COBLL1: variants seen among roughly 807,000 people sequenced by gnomAD.
COBLL1 encodes the protein cordon-bleu WH2 repeat protein like 1.
A neutral mutation model predicts 94.8 loss-of-function variants in COBLL1; 50 were observed. The observed-to-expected ratio is 0.53, with a 90% CI of 0.42 to 0.67. COBLL1 has a LOEUF of 0.67. COBLL1 is among the 30% of genes least tolerant of loss of function. COBLL1 has a pLI of 0.00. For synonymous variants in COBLL1, 448 were observed against 473.8 expected (o/e 0.95, Z 0.71); for missense variants, 1,362 against 1,348.7 (o/e 1.01, Z -0.15).
In COBLL1 at chr2:164,823,804, T is replaced by G. The variant is rs531311401; in HGVS notation, c.41+17352A>C. 9.9e-5 allele frequency among the ~76,000 whole-genome samples: 15 copies of G among 152,184 alleles called. 1 individual carries two copies. In the South Asian group the frequency reaches 2.9e-3, roughly 30 times the overall value. On this transcript the variant is annotated intron_variant, in intron 2 of 13. Transcript: ENST00000652658. The stretch of plus-strand genomic sequence containing the variant: ...TCTAGCTGTGTAACAATCCCTGGGG[T>G]TGGTATCCTCACTGCTGCAGGATCT...
chr2:164,780,361 A>C (rs1014007070), intron 2 of COBLL1, among the ~76,000 whole-genome samples: 5 of 152,198 alleles, frequency 3.3e-5, no homozygotes, highest in African/African-American at 7.2e-5. Flanking sequence ...TCTGGGAATG[A>C]AAGGAATTCC....
intron 2 of COBLL1, among the ~76,000 whole-genome samples, chr2:164,767,921 T>C (rs192906308): frequency 2.5e-4 from 38 of 152,282 alleles, no homozygotes; most frequent in African/African-American, 6.7e-4. Context: ...TGAAGAAATA[T>C]AACTGGCATG....
At chr2:164,754,111 G>T (rs1477777794) in intron 2 of COBLL1, among the ~76,000 whole-genome samples, 1 of 152,052 alleles carries the variant, frequency 6.6e-6, no homozygotes, top group Non-Finnish European at 1.5e-5. Context: ...TAACATCTGA[G>T]TTGAGAAGTG....
intron 2 of COBLL1, among the ~76,000 whole-genome samples, chr2:164,793,180 AATTT>A (rs1683277365): frequency 6.6e-6 from 1 of 152,148 alleles, no homozygotes; most frequent in Non-Finnish European, 1.5e-5. Flanking sequence ...TGAAACACCC[AATTT>A]ATTCCTTGTG....
At chr2:164,797,223 T>C (rs1342370523) in intron 2 of COBLL1, among the ~76,000 whole-genome samples, 1 of 152,224 alleles carries the variant, frequency 6.6e-6, no homozygotes, top group Non-Finnish European at 1.5e-5. Context: ...TAGGCAATGT[T>C]GGGCTTCCCT....
At chr2:164,727,279 T>C in intron 5 of COBLL1, 1 of 450,402 alleles carries the variant, frequency 2.2e-6, no homozygotes, top group Non-Finnish European at 4.0e-6. Context: ...TTTTGAAGTC[T>C]CTATGCAAAG....
At chr2:164,818,568 TA>T (rs1684975570) in intron 2 of COBLL1, among the ~76,000 whole-genome samples, 1 of 147,958 alleles carries the variant, frequency 6.8e-6, no homozygotes. Context: ...TACACATATA[TA>T]GCATATATGT....
At chr2:164,716,033 T>C (rs1685152559) in intron 7 of COBLL1, among the ~76,000 whole-genome samples, 1 of 152,206 alleles carries the variant, frequency 6.6e-6, no homozygotes, top group Admixed American at 6.5e-5. Context: ...TTCTTCCACT[T>C]ATTCAAATGT....
chr2:164,767,506 G>A (rs1207415251), intron 2 of COBLL1, among the ~76,000 whole-genome samples: 1 of 149,864 alleles, frequency 6.7e-6, no homozygotes, highest in African/African-American at 2.5e-5. Flanking sequence ...ACTGCTCTTT[G>A]ATGTAGAGTG....
chr2:164,739,488 G>A (rs192315835), intron 3 of COBLL1, among the ~76,000 whole-genome samples: 1 of 152,298 alleles, frequency 6.6e-6, no homozygotes, highest in East Asian at 1.9e-4. Flanking sequence ...AGGCATATAA[G>A]TTTCTGAAAT....
Position 164,695,425 on chromosome 2 carries a change from T to G in COBLL1, c.1967A>C (p.Glu656Ala). ...SSQDSVNTSR[E>A]FRSQGTLIIH... ...AATTAGGGTGCCTTGACTCCTGAAT[T>G]CCCTTGAGGTATTTACAGAATCTTG... The change falls in exon 12 of 14, where the codon GAA (glutamate) becomes GCA (alanine). Residue 656 changes from glutamate to alanine, a missense_variant. Coordinates refer to ENST00000652658, the MANE Select transcript of COBLL1 (RefSeq NM_001365672.2). The G allele has an allele frequency of 6.2e-7, 1 of 1,613,884 alleles. No individual in the cohort carries two copies. Among genetic ancestry groups the G allele is most frequent in the Non-Finnish European group, 8.5e-7 (1 of 1,179,910 alleles).
chr2:164,738,965 T>C (rs572698327), intron 3 of COBLL1, among the ~76,000 whole-genome samples: 1 of 152,100 alleles, frequency 6.6e-6, no homozygotes, highest in Admixed American at 6.6e-5. Context: ...CACACATACA[T>C]CTATACTACA....
At chr2:164,801,048 C>A (rs1683751053) in intron 2 of COBLL1, among the ~76,000 whole-genome samples, 1 of 152,038 alleles carries the variant, frequency 6.6e-6, no homozygotes, top group South Asian at 2.1e-4. Context: ...ATCTGGAATC[C>A]CAACTCTGGG....
At chr2:164,678,326 GATA>G (rs1310487385), downstream of COBLL1, among the ~76,000 whole-genome samples, 1 of 152,078 alleles carries the variant, frequency 6.6e-6, no homozygotes, top group Non-Finnish European at 1.5e-5. Context: ...AAATGATGGA[GATA>G]ATATGTCAGA....
downstream of COBLL1, among the ~76,000 whole-genome samples, chr2:164,677,138 G>A (rs891050855): frequency 6.6e-6 from 1 of 152,028 alleles, no homozygotes; most frequent in Non-Finnish European, 1.5e-5. Flanking sequence ...TTATAAGAAG[G>A]TTATAATTTT....
chr2:164,668,858 T>A (rs1691205222), intron 1 of COBLL1, among the ~76,000 whole-genome samples: 1 of 152,246 alleles, frequency 6.6e-6, no homozygotes, highest in South Asian at 2.1e-4. Context: ...ATTTGAGTTC[T>A]GCCTGAATTT....
At chr2:164,720,878 A>G (rs1045857995) in intron 7 of COBLL1, among the ~76,000 whole-genome samples, 1 of 152,208 alleles carries the variant, frequency 6.6e-6, no homozygotes, top group African/African-American at 2.4e-5. Context: ...ATGTGACTCT[A>G]TAACTTGACA....
In COBLL1 at chr2:164,680,511, T is replaced by G. The variant is rs1165395540; in HGVS notation, c.*5435A>C. On this transcript the variant is annotated 3_prime_UTR_variant, in exon 14 of 14. Coordinates refer to ENST00000652658, the MANE Select transcript of COBLL1 (RefSeq NM_001365672.2). The stretch of plus-strand genomic sequence containing the variant: ...CTACCAAGGAGCACACAGGGTGAGT[T>G]ACTCTTTTCCGTAATGACGCCTCTT... 1 of 152,148 alleles carries G rather than the reference T, an allele frequency of 6.6e-6. No homozygotes were observed. The highest frequency in any genetic ancestry group is 1.9e-4 in the East Asian group (1 of 5,188). 9.4% of individuals were successfully genotyped at this position (152,148 alleles called of 1,614,324 possible).
chr2:164,742,318 C>A (rs1686641848), intron 3 of COBLL1, among the ~76,000 whole-genome samples: 1 of 151,390 alleles, frequency 6.6e-6, no homozygotes, highest in Admixed American at 6.6e-5. Flanking sequence ...TCACCTGAAA[C>A]CCTGAAGAAC....
Sources: gnomAD v4.1 joint callset for allele counts (sites outside exome capture counted in the v4.1 genomes callset) on GRCh38, gnomAD v4.1.1 for gene constraint, MANE v1.5 for transcripts, NCBI Gene and HGNC (gene_info 2026-07-23, HGNC 2026-07-21) for gene names.